SLC2A13: variants seen among roughly 807,000 people sequenced by gnomAD.
SLC2A13 encodes solute carrier family 2 member 13.
SLC2A13 carries 32 observed loss-of-function variants against 64.4 expected under a neutral mutation model. The observed-to-expected ratio is 0.50, with a 90% CI of 0.37 to 0.67. The LOEUF is 0.67. SLC2A13 is among the 30% of genes least tolerant of loss of function. The pLI is 0.00. For missense variants in SLC2A13, 743 were observed against 829.2 expected (o/e 0.90, Z 1.28); for synonymous variants, 338 against 327.1 (o/e 1.03, Z -0.36).
At chr12:39,877,397 C>A (rs1234210052) in intron 4 of SLC2A13, among the ~76,000 whole-genome samples, 2 of 152,084 alleles carry the variant, frequency 1.3e-5, no homozygotes, top group Non-Finnish European at 2.9e-5. Flanking sequence ...GAATTGGAAC[C>A]CCCCCTCCAT....
At chr12:39,892,770 C>A (rs371456165) in intron 4 of SLC2A13, among the ~76,000 whole-genome samples, 1 of 151,950 alleles carries the variant, frequency 6.6e-6, no homozygotes, top group East Asian at 1.9e-4. Flanking sequence ...CCCTCTGCAA[C>A]ACAGGTAAAA....
intron 1 of SLC2A13, among the ~76,000 whole-genome samples, chr12:40,104,843 T>TA (rs1404158537): frequency 6.6e-6 from 1 of 152,184 alleles, no homozygotes; most frequent in Non-Finnish European, 1.5e-5. Flanking sequence ...CGAAAGGGGC[T>TA]AGCAGTGGAG....
chr12:39,866,076 G>A (rs1943903028), intron 5 of SLC2A13, among the ~76,000 whole-genome samples: 1 of 152,208 alleles, frequency 6.6e-6, no homozygotes, highest in Non-Finnish European at 1.5e-5. Context: ...TTATTTGAAT[G>A]AGACAAAATA....
chr12:40,065,522 C>A (rs1388419808), intron 1 of SLC2A13, among the ~76,000 whole-genome samples: 1 of 151,988 alleles, frequency 6.6e-6, no homozygotes, highest in East Asian at 1.9e-4. Context: ...GAGGTCAAGG[C>A]TGCAGTGAGC....
intron 6 of SLC2A13, among the ~76,000 whole-genome samples, chr12:39,853,011 TGGA>T (rs1439188971): frequency 2.0e-5 from 3 of 152,224 alleles, no homozygotes; most frequent in Admixed American, 1.3e-4. Context: ...TCCCATTCTG[TGGA>T]GTTTACTTTT....
chr12:39,977,346 T>C (rs1252296398), intron 3 of SLC2A13, among the ~76,000 whole-genome samples: 2 of 152,230 alleles, frequency 1.3e-5, no homozygotes, highest in Admixed American at 6.5e-5. Flanking sequence ...TCAAACTGTG[T>C]CTCTGATCTC....
At chr12:39,796,053 C>G (rs998253077) in intron 7 of SLC2A13, among the ~76,000 whole-genome samples, 3 of 152,176 alleles carry the variant, frequency 2.0e-5, no homozygotes, top group Non-Finnish European at 4.4e-5. Context: ...CTTCTCCCCC[C>G]AGCCTCTGGC....
intron 4 of SLC2A13, among the ~76,000 whole-genome samples, chr12:39,912,644 A>G (rs1945449875): frequency 6.6e-6 from 1 of 152,042 alleles, no homozygotes; most frequent in Admixed American, 6.5e-5. Context: ...TCACTTGCCC[A>G]GTTATTATAA....
chr12:40,071,854 T>C (rs1269801843), intron 1 of SLC2A13, among the ~76,000 whole-genome samples: 1 of 152,160 alleles, frequency 6.6e-6, no homozygotes, highest in Non-Finnish European at 1.5e-5. Context: ...CTGCTTACTT[T>C]ACCTTTTCAA....
intron 3 of SLC2A13, among the ~76,000 whole-genome samples, chr12:40,026,274 T>A (rs1947804418): frequency 6.6e-6 from 1 of 152,230 alleles, no homozygotes; most frequent in South Asian, 2.1e-4. Context: ...GAGCAAACGT[T>A]ATTAGGATCC....
intron 7 of SLC2A13, among the ~76,000 whole-genome samples, chr12:39,769,565 C>T (rs1254243408): frequency 6.6e-6 from 1 of 151,902 alleles, no homozygotes; most frequent in Non-Finnish European, 1.5e-5. Flanking sequence ...TTCCTTCCTC[C>T]CTCCGGTGGT....
intron 7 of SLC2A13, among the ~76,000 whole-genome samples, chr12:39,778,372 T>C (rs970874931): frequency 6.6e-6 from 1 of 152,140 alleles, no homozygotes. Flanking sequence ...TTGCCAGCTC[T>C]TGGGGGCCAG....
At chr12:39,930,548 T>C (rs938856213) in intron 4 of SLC2A13, among the ~76,000 whole-genome samples, 2 of 152,120 alleles carry the variant, frequency 1.3e-5, no homozygotes, top group African/African-American at 4.8e-5. Flanking sequence ...ATTATACATA[T>C]TTTTCACTTA....
intron 1 of SLC2A13, among the ~76,000 whole-genome samples, chr12:40,058,087 A>AGATAGATAGATT (rs1555158666): frequency 3.8e-3 from 526 of 139,060 alleles, no homozygotes; most frequent in Non-Finnish European, 5.1e-3. Context: ...ATAGATAGAT[A>AGATAGATAGATT]GATTGATTTA....
intron 4 of SLC2A13, among the ~76,000 whole-genome samples, chr12:39,916,506 A>C (rs1353240167): frequency 1.3e-5 from 2 of 152,118 alleles, no homozygotes; most frequent in African/African-American, 4.8e-5. Context: ...CCAATACCAC[A>C]TACACTGGCA....
chr12:39,942,898 A>G (rs550766119), intron 4 of SLC2A13, among the ~76,000 whole-genome samples: 1 of 149,114 alleles, frequency 6.7e-6, no homozygotes, highest in African/African-American at 2.5e-5. Flanking sequence ...GGATTTATCT[A>G]CCTCTGGTCT....
intron 1 of SLC2A13, among the ~76,000 whole-genome samples, chr12:40,094,051 G>A (rs1465359274): frequency 6.6e-6 from 1 of 152,188 alleles, no homozygotes; most frequent in East Asian, 1.9e-4. Context: ...TGGGATCAGG[G>A]TGATTGTAGT....
chr12:40,097,322 T>A (rs962640213), intron 1 of SLC2A13, among the ~76,000 whole-genome samples: 10 of 152,152 alleles, frequency 6.6e-5, no homozygotes, highest in African/African-American at 2.4e-4. Context: ...TCAAGGGGCA[T>A]GACAAATGAC....
chr12:39,972,010 ATATATTTTTTTT>A, intron 3 of SLC2A13, among the ~76,000 whole-genome samples: 2 of 42,392 alleles, frequency 4.7e-5, no homozygotes, highest in African/African-American at 7.0e-5. Flanking sequence ...ATATATATAT[ATATATTTTTTTT>A]TATATAAATA....
Sources: gnomAD v4.1 joint callset for allele counts (sites outside exome capture counted in the v4.1 genomes callset) on GRCh38, gnomAD v4.1.1 for gene constraint, MANE v1.5 for transcripts, NCBI Gene and HGNC (gene_info 2026-07-23, HGNC 2026-07-21) for gene names.